FGF12: variants seen among roughly 807,000 people sequenced by gnomAD.
FGF12 encodes fibroblast growth factor 12B.
A neutral mutation model predicts 23.6 loss-of-function variants in FGF12; 14 were observed. The ratio of observed to expected loss-of-function variants is 0.59; its 90% CI spans 0.39 to 0.93. The LOEUF (loss-of-function observed/expected upper bound fraction) is 0.93, where lower values mean the gene tolerates loss of function less well. FGF12 is among the 40% of genes least tolerant of loss of function. The probability of loss-of-function intolerance (pLI) is 0.00; values close to 1 mark genes in which losing one functional copy is unlikely to be tolerated. For missense variants in FGF12, 175 were observed against 217.8 expected, an observed-to-expected ratio of 0.80 and a Z score of 1.24; for synonymous variants, 62 against 77.3, an observed-to-expected ratio of 0.80 and a Z score of 1.04.
intron 3 of FGF12, among the ~76,000 whole-genome samples, chr3:192,341,862 C>T (rs1417241470): frequency 7.4e-6 from 1 of 134,684 alleles, no homozygotes; most frequent in African/African-American, 2.7e-5. Flanking sequence ...TTGAGGGGTA[C>T]AAAGTGAAAA....
chr3:192,725,620 T>C (rs2108750131), intron 2 of FGF12, among the ~76,000 whole-genome samples: 1 of 152,274 alleles, frequency 6.6e-6, no homozygotes, highest in Admixed American at 6.5e-5. Flanking sequence ...CTTTTTATGA[T>C]TGAACAGGAA....
At chr3:192,372,505 G>GAACACATCC (rs1719281877) in intron 2 of FGF12, among the ~76,000 whole-genome samples, 1 of 151,978 alleles carries the variant, frequency 6.6e-6, no homozygotes, top group African/African-American at 2.4e-5. Flanking sequence ...AGAGCTCCAA[G>GAACACATCC]AACACATCCA....
intron 2 of FGF12, among the ~76,000 whole-genome samples, chr3:192,589,294 C>T (rs1453917945): frequency 6.7e-6 from 1 of 149,734 alleles, no homozygotes; most frequent in Non-Finnish European, 1.5e-5. Context: ...GAGATTGCAC[C>T]ACTGCCCTCC....
rs140157994 is a variant in FGF12, at chr3:192,362,219, G to C, written c.14-1681C>G. On this transcript the variant is annotated intron_variant, in intron 2 of 5. Transcript: ENST00000445105. ...TCAGGGACACACTTGGCTAGCTAACGTCACTGCAAACAACTCTCTCTTTTT... is the reference window on the plus strand; with the variant it reads ...TCAGGGACACACTTGGCTAGCTAACCTCACTGCAAACAACTCTCTCTTTTT... Among the ~76,000 whole-genome samples the C allele has an allele frequency of 3.6e-3, 548 of 152,050 alleles. 5 individuals carry two copies. Among genetic ancestry groups the C allele is most frequent in the African/African-American group, 0.012 (495 of 41,516 alleles).
intron 2 of FGF12, among the ~76,000 whole-genome samples, chr3:192,701,164 G>C (rs758417702): frequency 2.0e-5 from 3 of 152,130 alleles, no homozygotes; most frequent in Non-Finnish European, 2.9e-5. Context: ...CCTTGCTATT[G>C]ATTCCAGGTG....
At chr3:192,718,928 G>A (rs989542025) in intron 2 of FGF12, among the ~76,000 whole-genome samples, 1 of 151,118 alleles carries the variant, frequency 6.6e-6, no homozygotes, top group Non-Finnish European at 1.5e-5. Context: ...ATACAAACAA[G>A]CTTAAAATAA....
intron 4 of FGF12, among the ~76,000 whole-genome samples, chr3:192,225,624 T>C (rs1718694330): frequency 6.6e-6 from 1 of 152,028 alleles, no homozygotes; most frequent in African/African-American, 2.4e-5. Flanking sequence ...TATAAGATAA[T>C]TAAAAACATG....
intron 2 of FGF12, among the ~76,000 whole-genome samples, chr3:192,553,965 G>A (rs1711640923): frequency 6.6e-6 from 1 of 152,344 alleles, no homozygotes. Flanking sequence ...TGCAGAATGA[G>A]TAGGGAGAAA....
chr3:192,507,158 C>T (rs1293401447), intron 2 of FGF12, among the ~76,000 whole-genome samples: 1 of 152,092 alleles, frequency 6.6e-6, no homozygotes, highest in South Asian at 2.1e-4. Context: ...TCCCAGAGTG[C>T]TGGGATTACA....
Position 192,497,682 on chromosome 3 carries a change from C to T in FGF12, c.14-137144G>A, listed in dbSNP as rs138690221. On this transcript the variant is annotated intron_variant, in intron 2 of 5. Coordinates refer to ENST00000445105, the MANE Select transcript of FGF12 (RefSeq NM_004113.6). The stretch of plus-strand genomic sequence containing the variant: ...CCTGCTGTTCCTTCCAGCTGGGATA[C>T]ACCTTCCCCAGGTATTTGCAGGCTT... Among the ~76,000 whole-genome samples, 43 of 152,304 alleles carry T rather than the reference C, an allele frequency of 2.8e-4. No individual in the cohort carries two copies. The East Asian group carries it at 3.3e-3, about 12-fold the overall frequency.
At chr3:192,224,201 C>T (rs1483384426) in intron 4 of FGF12, among the ~76,000 whole-genome samples, 1 of 152,110 alleles carries the variant, frequency 6.6e-6, no homozygotes, top group Non-Finnish European at 1.5e-5. Context: ...ACTCACAGCT[C>T]AGCAAAACGG....
At chr3:192,685,385 A>C (rs1177851449) in intron 2 of FGF12, among the ~76,000 whole-genome samples, 1 of 152,208 alleles carries the variant, frequency 6.6e-6, no homozygotes, top group East Asian at 1.9e-4. Flanking sequence ...TTTAGAACAC[A>C]GTAAGCACTA....
At chr3:192,567,754 TTTC>T (rs1712378773) in intron 2 of FGF12, among the ~76,000 whole-genome samples, 1 of 126,858 alleles carries the variant, frequency 7.9e-6, no homozygotes, top group African/African-American at 2.9e-5. Flanking sequence ...TCTTTCTTTC[TTTC>T]TTTCTTTCTT....
chr3:192,287,308 T>C (rs1714507974), intron 4 of FGF12, among the ~76,000 whole-genome samples: 1 of 152,114 alleles, frequency 6.6e-6, no homozygotes, highest in South Asian at 2.1e-4. Flanking sequence ...TTGTATTCCC[T>C]TTTTGCCTAT....
intron 2 of FGF12, among the ~76,000 whole-genome samples, chr3:192,509,781 T>C (rs1468278916): frequency 6.6e-6 from 1 of 152,112 alleles, no homozygotes; most frequent in Non-Finnish European, 1.5e-5. Context: ...CAGAAATCAA[T>C]ACATCTATTT....
intron 2 of FGF12, among the ~76,000 whole-genome samples, chr3:192,560,219 C>A (rs939317301): frequency 2.6e-5 from 4 of 151,664 alleles, no homozygotes; most frequent in African/African-American, 9.7e-5. Flanking sequence ...TTTGTATGAT[C>A]CAGTTTAACT....
intron 4 of FGF12, among the ~76,000 whole-genome samples, chr3:192,203,772 T>C (rs934969054): frequency 2.0e-4 from 31 of 152,028 alleles, no homozygotes; most frequent in African/African-American, 7.0e-4. Context: ...ACCTAATTTT[T>C]AAAATTTTTT....
chr3:192,607,502 A>G (rs1714382321), intron 2 of FGF12, among the ~76,000 whole-genome samples: 1 of 152,144 alleles, frequency 6.6e-6, no homozygotes, highest in Non-Finnish European at 1.5e-5. Context: ...TCTTTATTAC[A>G]TGCTGATAGT....
At chr3:192,533,946 C>A (rs965860249) in intron 2 of FGF12, 1 of 151,832 alleles carries the variant, frequency 6.6e-6, no homozygotes, top group Non-Finnish European at 1.5e-5. Context: ...ATTCAGTGTC[C>A]TATCTCTATT....
Sources: allele counts gnomAD v4.1 joint callset (sites outside exome capture counted in the v4.1 genomes callset), GRCh38; gene constraint gnomAD v4.1.1; transcripts MANE v1.5; gene names NCBI Gene and HGNC (gene_info 2026-07-23, HGNC 2026-07-21).